TPPP: variants seen among roughly 807,000 people sequenced by gnomAD.
TPPP encodes tubulin polymerization promoting protein.
TPPP carries 6 observed loss-of-function variants against 15.5 expected under a neutral mutation model. The ratio of observed to expected loss-of-function variants is 0.39; its 90% CI spans 0.21 to 0.77. TPPP has a LOEUF of 0.77. Among genes scored for constraint, TPPP ranks in the 30% least tolerant of loss-of-function variants. The pLI is 0.42. For missense variants in TPPP, 269 were observed against 307.2 expected (o/e 0.88, Z 0.93); for synonymous variants, 146 against 133.9 (o/e 1.09, Z -0.63).
rs370019487 is a variant in TPPP at position 677,860 on chromosome 5, G to A, written c.201C>T (p.Thr67=). 6.1e-5 allele frequency: 98 copies of A among 1,612,542 alleles called. 1 individual carries two copies. Among genetic ancestry groups the A allele is most frequent in the African/African-American group, 3.5e-4 (26 of 74,916 alleles). ...RFAVHGDARA[T]GREMHGKNWS... ...AGTTCTTGCCGTGCATCTCCCTCCC[G>A]GTGGCCCTGGCGTCCCCGTGCACGG... The change falls in exon 2 of 4, where the codon ACC becomes ACT. Residue 67 remains threonine (T), a synonymous_variant. Transcript: ENST00000360578.
intron 1 of TPPP, among the ~76,000 whole-genome samples, chr5:682,197 C>T (rs1340070546): frequency 2.7e-5 from 4 of 148,028 alleles, no homozygotes; most frequent in African/African-American, 5.2e-5. Flanking sequence ...GCTGGAAACC[C>T]GGGTGTCCAT....
chr5:669,885 G>A (rs533270860), intron 2 of TPPP, among the ~76,000 whole-genome samples: 21 of 152,256 alleles, frequency 1.4e-4, no homozygotes, highest in East Asian at 5.8e-4. Context: ...CTGGCTGCCC[G>A]GCTCTCCTGA....
chr5:676,553 C>G (rs1384289690), intron 2 of TPPP: 1 of 152,076 alleles, frequency 6.6e-6, no homozygotes, highest in African/African-American at 2.4e-5. Context: ...TGAAATACAT[C>G]GGCCACAGGA....
intron 2 of TPPP, among the ~76,000 whole-genome samples, chr5:676,909 ATACACGACGCAGAAACGCACGCGCG>A (rs1203661622): frequency 2.0e-4 from 21 of 105,770 alleles, no homozygotes; most frequent in East Asian, 6.1e-4. Flanking sequence ...GCACGCGCGC[ATACACGACGCAGAAACGCACGCGCG>A]CACACGACGC....
rs569852406 is a variant in TPPP, at chr5:663,230, C to G, written c.*1872G>C. The G allele has an allele frequency of 6.6e-6, 1 of 151,912 alleles. No individual in the cohort carries two copies. Among genetic ancestry groups the G allele is most frequent in the Non-Finnish European group, 1.5e-5 (1 of 67,916 alleles). 9.4% of individuals were successfully genotyped at this position (151,912 alleles called of 1,614,324 possible). On this transcript the variant is annotated 3_prime_UTR_variant, in exon 4 of 4. Coordinates refer to ENST00000360578, the MANE Select transcript of TPPP (RefSeq NM_007030.3). ...CGTCTGTGATCGGGTGATTCCGAAC[C>G]GCACATTCAGAGTTGTTTTCAAATG...
At chr5:681,407 G>A (rs1740617441) in intron 1 of TPPP, among the ~76,000 whole-genome samples, 1 of 152,156 alleles carries the variant, frequency 6.6e-6, no homozygotes, top group Non-Finnish European at 1.5e-5. Context: ...TCCCAGGCCT[G>A]TGCCCACCAT....
At chr5:679,387 T>A (rs1490733585) in intron 1 of TPPP, among the ~76,000 whole-genome samples, 7 of 111,120 alleles carry the variant, frequency 6.3e-5, no homozygotes, top group Non-Finnish European at 1.1e-4. Flanking sequence ...TGGTGGGGGC[T>A]GGGCCGCGTG....
intron 2 of TPPP, among the ~76,000 whole-genome samples, chr5:675,541 C>A (rs571314769): frequency 0.016 from 679 of 42,858 alleles, 15 homozygotes; most frequent in African/African-American, 0.055. Context: ...CCGGGGATGC[C>A]GTGTGGCCGG....
chr5:675,941 C>A (rs1218403520), intron 2 of TPPP: 1 of 152,168 alleles, frequency 6.6e-6, no homozygotes, highest in Non-Finnish European at 1.5e-5. Context: ...GTTGGCGGGG[C>A]CACTGGGACT....
At chr5:696,626 T>C (rs1161101018), upstream of TPPP, among the ~76,000 whole-genome samples, 4 of 113,714 alleles carry the variant, frequency 3.5e-5, no homozygotes, top group Non-Finnish European at 8.2e-5. Context: ...CGTGCCTGCC[T>C]GGGTGTGGGG....
chr5:675,570 G>C (rs1334790174), intron 2 of TPPP, among the ~76,000 whole-genome samples: 1 of 149,962 alleles, frequency 6.7e-6, no homozygotes, highest in Non-Finnish European at 1.5e-5. Context: ...TGTGGCTGGG[G>C]GTGCGGTGTG....
intron 1 of TPPP, among the ~76,000 whole-genome samples, chr5:691,566 C>T (rs1740864064): frequency 1.4e-5 from 1 of 68,974 alleles, no homozygotes; most frequent in Admixed American, 1.1e-4. Flanking sequence ...AACAGCAGCC[C>T]CCCAACCCCC....
chr5:669,073 G>C (rs1490475220), intron 2 of TPPP, among the ~76,000 whole-genome samples: 1 of 152,238 alleles, frequency 6.6e-6, no homozygotes, highest in African/African-American at 2.4e-5. Context: ...CACACCAAGT[G>C]CTCGGGGTCC....
chr5:688,411 G>C (rs1250388311), intron 1 of TPPP, among the ~76,000 whole-genome samples: 4 of 148,390 alleles, frequency 2.7e-5, no homozygotes, highest in African/African-American at 4.9e-5. Context: ...ATTGATCCAC[G>C]TTAGCCAGCA....
chr5:686,207 C>T (rs1268980080), intron 1 of TPPP, among the ~76,000 whole-genome samples: 1 of 152,262 alleles, frequency 6.6e-6, no homozygotes, highest in Non-Finnish European at 1.5e-5. Context: ...TCCCGGCTGG[C>T]TCATCCCATC....
At chr5:666,167 A>G in intron 2 of TPPP, 44 bp from the exon 3 acceptor site, 2 of 1,550,618 alleles carry the variant, frequency 1.3e-6, no homozygotes, top group Non-Finnish European at 8.7e-7. Context: ...GGGCCGGCCC[A>G]GGGCTGCCCT....
In TPPP at chr5:677,952, C is replaced by G; in HGVS notation, c.109G>C (p.Gly37Arg). The G allele has an allele frequency of 6.2e-7, 1 of 1,611,600 alleles. No individual in the cohort carries two copies. Among genetic ancestry groups the G allele is most frequent in the Non-Finnish European group, 8.5e-7 (1 of 1,179,432 alleles). ...GATGCGGCTGCCCCCTCACCAGCAC[C>G]CTCCGATTCCAGCGACAGCCTCTTG... The part of the protein sequence containing the change: ...AAKRLSLESE[G>R]AGEGAAASPE... Residue 37 changes from glycine (G) to arginine (R), a missense_variant, in exon 2 of 4, where the codon GGT (glycine) becomes CGT (arginine). Gly to Arg is a moderately radical substitution (Grantham distance 125). Coordinates refer to ENST00000360578, the MANE Select transcript of TPPP (RefSeq NM_007030.3).
chr5:686,221 C>A (rs1330638804), intron 1 of TPPP, among the ~76,000 whole-genome samples: 1 of 152,258 alleles, frequency 6.6e-6, no homozygotes, highest in East Asian at 1.9e-4. Flanking sequence ...TCCCATCAAC[C>A]ATGTCGGAGA....
upstream of TPPP, among the ~76,000 whole-genome samples, chr5:697,483 G>A (rs954705016): frequency 8.5e-5 from 13 of 152,184 alleles, no homozygotes; most frequent in African/African-American, 1.9e-4. Flanking sequence ...AGAGGATGGC[G>A]TTGCAGAGCG....
Sources: gnomAD v4.1 joint callset for allele counts (sites outside exome capture counted in the v4.1 genomes callset) on GRCh38, gnomAD v4.1.1 for gene constraint, MANE v1.5 for transcripts, NCBI Gene and HGNC (gene_info 2026-07-23, HGNC 2026-07-21) for gene names.